Variants in GNG4 observed in about 807,000 individuals in gnomAD.
GNG4 encodes the protein guanine nucleotide-binding protein G(I)/G(S)/G(O) subunit gamma-4.
GNG4 carries 4 observed loss-of-function variants against 5.8 expected under a neutral mutation model. The observed-to-expected ratio is 0.69, with a 90% CI of 0.34 to 1.57. GNG4 has a LOEUF of 1.57. GNG4 is among the 40% of genes most tolerant of loss of function. GNG4 has a pLI of 0.06. For synonymous variants in GNG4, 29 were observed against 32.9 expected, an observed-to-expected ratio of 0.88 and a Z score of 0.41; for missense variants, 96 against 95.1, an observed-to-expected ratio of 1.01 and a Z score of -0.04.
chr1:235,591,673 T>G (rs59278357), intron 2 of GNG4, among the ~76,000 whole-genome samples: 5,686 of 152,242 alleles, frequency 0.037, 342 homozygotes, highest in African/African-American at 0.13. Context: ...AGAGAGGAGC[T>G]GCAACAAATC....
rs1313459774 is a variant in GNG4 at position 235,643,031 on chromosome 1, G to C, written c.-123+6631C>G. ...CAATCAGACGGCCACCCCGACTGAC[G>C]CTGGGGCCGGGGCACCCTTGGGCGT... On this transcript the variant is annotated intron_variant, in intron 1 of 3. Coordinates refer to ENST00000391854, the MANE Select transcript of GNG4 (RefSeq NM_001098722.2). Among the ~76,000 whole-genome samples, 4 of 152,120 alleles carry C rather than the reference G, an allele frequency of 2.6e-5. No individual in the cohort carries two copies. In the East Asian group the frequency reaches 7.7e-4, roughly 29 times the overall value.
At chr1:235,623,331 G>A (rs372206447) in intron 1 of GNG4, among the ~76,000 whole-genome samples, 64 of 152,144 alleles carry the variant, frequency 4.2e-4, no homozygotes, top group African/African-American at 1.5e-3. Context: ...CAGAACATTC[G>A]CTACCTGCAC....
intron 1 of GNG4, among the ~76,000 whole-genome samples, chr1:235,632,295 T>C (rs1268642164): frequency 6.6e-6 from 1 of 151,818 alleles, no homozygotes; most frequent in Non-Finnish European, 1.5e-5. Context: ...CTAGATTGCT[T>C]AGGCTGGTCT....
chr1:235,616,346 T>C, intron 1 of GNG4: 1 of 427,336 alleles, frequency 2.3e-6, no homozygotes, highest in Non-Finnish European at 4.6e-6. Context: ...GTTGGCCAGA[T>C]TCACCGTCAT....
At chr1:235,612,225 G>A (rs915770769) in intron 1 of GNG4, among the ~76,000 whole-genome samples, 4 of 152,182 alleles carry the variant, frequency 2.6e-5, no homozygotes, top group African/African-American at 4.8e-5. Context: ...CTCACAAGAC[G>A]ATGACAGAAC....
At chr1:235,564,244 T>C (rs769775246) in intron 3 of GNG4, among the ~76,000 whole-genome samples, 3 of 151,910 alleles carry the variant, frequency 2.0e-5, no homozygotes, top group Non-Finnish European at 4.4e-5. Flanking sequence ...AAGATGGGAA[T>C]AGGAGACACC....
At chr1:235,614,939 G>A (rs1009353971) in intron 1 of GNG4, 1 of 152,470 alleles carries the variant, frequency 6.6e-6, no homozygotes, top group African/African-American at 2.4e-5. Context: ...GGAACCTCTC[G>A]ATGTGCTTTA....
At chr1:235,645,943 C>A (rs568854002) in intron 1 of GNG4, among the ~76,000 whole-genome samples, 2 of 152,088 alleles carry the variant, frequency 1.3e-5, no homozygotes, top group African/African-American at 4.8e-5. Flanking sequence ...GTACATTAGG[C>A]AGGGGCACCA....
At chr1:235,600,951 G>C (rs528467668) in intron 1 of GNG4, among the ~76,000 whole-genome samples, 8 of 152,228 alleles carry the variant, frequency 5.3e-5, no homozygotes, top group African/African-American at 1.9e-4. Flanking sequence ...CGGGCACGCC[G>C]TAGCCAGTCC....
intron 1 of GNG4, among the ~76,000 whole-genome samples, chr1:235,645,963 C>G (rs1317654159): frequency 6.6e-6 from 1 of 152,132 alleles, no homozygotes. Context: ...AGGAGGAGGT[C>G]CAGGCACTGA....
rs140024665 is a variant in GNG4, at chr1:235,555,916, G to A, written c.100-3679C>T. Among the ~76,000 whole-genome samples, 159 of 152,036 alleles carry A rather than the reference G, an allele frequency of 1.0e-3. 2 individuals are homozygous for A. The highest frequency in any genetic ancestry group is 3.5e-3 in the African/African-American group (144 of 41,502). Reference sequence around the variant, plus strand: ...GGAGTCTCACTCTGCCATCCAGACTGGAGTGCAGTAGGGCGATCTCAGCTC... The same window carrying A: ...GGAGTCTCACTCTGCCATCCAGACTAGAGTGCAGTAGGGCGATCTCAGCTC... On this transcript the variant is annotated intron_variant, in intron 3 of 3. Coordinates refer to ENST00000391854, the MANE Select transcript of GNG4 (RefSeq NM_001098722.2).
At chr1:235,603,110 G>A (rs1209507724) in intron 1 of GNG4, among the ~76,000 whole-genome samples, 1 of 152,062 alleles carries the variant, frequency 6.6e-6, no homozygotes, top group Non-Finnish European at 1.5e-5. Context: ...AGGTGTGGTG[G>A]CAGGTGCCTG....
At chr1:235,629,911 G>A (rs534765954) in intron 1 of GNG4, among the ~76,000 whole-genome samples, 143 of 152,268 alleles carry the variant, frequency 9.4e-4, no homozygotes, top group Non-Finnish European at 1.2e-3. Context: ...CTTGAGCTGG[G>A]CAGCCACCTT....
rs1015556898 is a variant in GNG4 at position 235,642,191 on chromosome 1, A to C, written c.-123+7471T>G. On this transcript the variant is annotated intron_variant, in intron 1 of 3. Transcript: ENST00000391854. This position sits in a 1 kb window ranked among gnomAD's most constrained non-coding sequence, Gnocchi z 4.3. ...GGCGAACGCAGGGTGGAAGAACCCG[A>C]GCGAGGCCCGGCAGGGGCGGGGTGA... Among the ~76,000 whole-genome samples the C allele has an allele frequency of 4.6e-5, 7 of 152,238 alleles. No individual in the cohort carries two copies. Among genetic ancestry groups the C allele is most frequent in the African/African-American group, 1.7e-4 (7 of 41,470 alleles).
intron 1 of GNG4, among the ~76,000 whole-genome samples, chr1:235,620,315 A>G (rs1032248212): frequency 2.0e-5 from 3 of 151,048 alleles, no homozygotes; most frequent in African/African-American, 7.3e-5. Flanking sequence ...CGGTGAGCCG[A>G]GATCACACCA....
intron 3 of GNG4, among the ~76,000 whole-genome samples, chr1:235,562,327 T>C (rs1171352760): frequency 6.6e-6 from 1 of 152,162 alleles, no homozygotes; most frequent in African/African-American, 2.4e-5. Context: ...AAAATCATTT[T>C]GTCAATATCC....
In GNG4 at chr1:235,636,850, T is replaced by G. The variant is rs1477338375; in HGVS notation, c.-123+12812A>C. Among the ~76,000 whole-genome samples, 4 of 152,084 alleles carry G rather than the reference T, an allele frequency of 2.6e-5. No homozygotes were observed. In the East Asian group the frequency reaches 7.7e-4, roughly 29 times the overall value. On this transcript the variant is annotated intron_variant, in intron 1 of 3. Coordinates refer to ENST00000391854, the MANE Select transcript of GNG4 (RefSeq NM_001098722.2). ...CTAGGTCTTTCCCTGCTACCCCAGC[T>G]GCTACCTCTTACCCCTAGGGCAAGA... is the stretch of plus-strand genomic sequence containing the variant.
intron 3 of GNG4, among the ~76,000 whole-genome samples, chr1:235,572,058 A>C (rs914851251): frequency 1.3e-5 from 2 of 151,856 alleles, no homozygotes; most frequent in African/African-American, 2.4e-5. Flanking sequence ...CTGGTTTCAA[A>C]CTCCTGAGCT....
At chr1:235,580,203 C>T (rs1336531484) in intron 3 of GNG4, among the ~76,000 whole-genome samples, 2 of 152,108 alleles carry the variant, frequency 1.3e-5, no homozygotes, top group East Asian at 3.9e-4. Flanking sequence ...TATGAGATAC[C>T]TAGTGTAGTC....
Sources: allele counts gnomAD v4.1 joint callset (sites outside exome capture counted in the v4.1 genomes callset), GRCh38; gene constraint gnomAD v4.1.1; non-coding constraint Gnocchi (gnomAD v3.1); transcripts MANE v1.5; gene names NCBI Gene and HGNC (gene_info 2026-07-23, HGNC 2026-07-21).